PHF20L1: variants seen among roughly 807,000 people sequenced by gnomAD.
The protein encoded by PHF20L1 is PHD finger protein 20 like 1.
Under a neutral mutation model 125.5 loss-of-function variants are expected in PHF20L1, and 44 were observed. The observed-to-expected ratio is 0.35, with a 90% CI of 0.28 to 0.45. PHF20L1 has a LOEUF of 0.45. Among genes scored for constraint, PHF20L1 ranks in the 20% least tolerant of loss-of-function variants. The pLI is 1.00. For synonymous variants in PHF20L1, 380 were observed against 403.1 expected (o/e 0.94, Z 0.69); for missense variants, 1,012 against 1,217.2 (o/e 0.83, Z 2.51).
At chr8:132,809,761 T>A (rs1051416626) in intron 8 of PHF20L1, 2 of 152,188 alleles carry the variant, frequency 1.3e-5, no homozygotes, top group African/African-American at 4.8e-5. Context: ...GGTGACCTTT[T>A]ATGAGCAGGG....
At position 132,847,892 on chromosome 8, in the gene PHF20L1, A is replaced by G. The variant is rs1431280660; in HGVS notation, c.*1969A>G. Reference sequence around the variant, plus strand: ...GTGGAGTAAATTTGCTAATGTCTATATTTTATGATTGATACTATTATTTTT... The same window carrying G: ...GTGGAGTAAATTTGCTAATGTCTATGTTTTATGATTGATACTATTATTTTT... On this transcript the variant is annotated 3_prime_UTR_variant, in exon 21 of 21. Transcript: ENST00000395386. 6.6e-6 allele frequency: 1 copy of G among 152,250 alleles called. No homozygotes were observed. Among genetic ancestry groups the G allele is most frequent in the Non-Finnish European group, 1.5e-5 (1 of 67,980 alleles). The allele number at this position is 152,250 out of a possible 1,614,324, so 9.4% of individuals were successfully genotyped here. A position where few individuals can be genotyped will look rare whatever the true frequency, so the allele number is the denominator to read the frequency against.
intron 4 of PHF20L1, among the ~76,000 whole-genome samples, chr8:132,798,497 C>T (rs543877957): frequency 3.9e-5 from 6 of 151,976 alleles, no homozygotes; most frequent in East Asian, 1.9e-4. Context: ...ATTTAAATTA[C>T]TGCAAAATAA....
chr8:132,796,811 A>G (rs1832443160), intron 4 of PHF20L1, among the ~76,000 whole-genome samples: 1 of 152,122 alleles, frequency 6.6e-6, no homozygotes. Context: ...AATTTGTGGA[A>G]GTAAAGGAAG....
At chr8:132,812,876 G>A (rs1834553625) in intron 9 of PHF20L1, 1 of 980,482 alleles carries the variant, frequency 1.0e-6, no homozygotes, top group Non-Finnish European at 1.2e-6. Context: ...CTGTGCTAAT[G>A]GACTTATTTA....
intron 12 of PHF20L1, chr8:132,818,123 GTA>G (rs1034597285): frequency 1.3e-5 from 2 of 151,888 alleles, no homozygotes; most frequent in African/African-American, 4.8e-5. Context: ...ATTTGGATGT[GTA>G]TTTTACCAAG....
chr8:132,810,965 C>G (rs1834327879), intron 8 of PHF20L1, 81 bp from the exon 9 acceptor site: 1 of 834,004 alleles, frequency 1.2e-6, no homozygotes, highest in Admixed American at 1.8e-5. Context: ...GAAATTTCAA[C>G]TGCTAAGATT....
At chr8:132,795,372 A>G (rs1832266087) in intron 4 of PHF20L1, among the ~76,000 whole-genome samples, 1 of 152,170 alleles carries the variant, frequency 6.6e-6, no homozygotes, top group South Asian at 2.1e-4. Context: ...ATACTGAGCC[A>G]AAGTTGCTTA....
chr8:132,845,801 T>C lies in PHF20L1; in HGVS notation c.2932T>C (p.Phe978Leu), dbSNP rs1051603838. 6 of 1,610,358 alleles carry C rather than the reference T, an allele frequency of 3.7e-6. No homozygotes were observed. The highest frequency in any genetic ancestry group is 5.1e-6 in the Non-Finnish European group (6 of 1,176,884). Residue 978 changes from phenylalanine (F) to leucine (L), a missense_variant, in exon 21 of 21, where the codon TTC (phenylalanine) becomes CTC (leucine). Coordinates refer to ENST00000395386, the MANE Select transcript of PHF20L1 (RefSeq NM_016018.5). ...EVDVLESWLDFTGELEPPDPL... is the reference protein window; with the variant it reads ...EVDVLESWLDLTGELEPPDPL... ...TTTAGTTCTGGAAAGCTGGCTTGAT[T>C]TCACAGGGGAGTTGGAGCCACCAGA... is the stretch of plus-strand genomic sequence containing the variant.
intron 8 of PHF20L1, chr8:132,807,932 A>C (rs1251632419): frequency 3.6e-6 from 1 of 277,604 alleles, no homozygotes; most frequent in African/African-American, 2.3e-5. Context: ...TAGGTAATTA[A>C]TAGGTACTTG....
At chr8:132,787,265 G>GC (rs1019049278) in intron 2 of PHF20L1, among the ~76,000 whole-genome samples, 1 of 151,918 alleles carries the variant, frequency 6.6e-6, no homozygotes, top group Admixed American at 6.6e-5. Flanking sequence ...GGTGCTGGGG[G>GC]GGTGGGAGGA....
chr8:132,820,867 G>A (rs1284062965), intron 12 of PHF20L1, among the ~76,000 whole-genome samples: 5 of 151,972 alleles, frequency 3.3e-5, no homozygotes, highest in Non-Finnish European at 7.4e-5. Context: ...ATTGGCATTA[G>A]TAGGTTGTAT....
intron 18 of PHF20L1, 143 bp downstream of exon 18, chr8:132,839,725 G>T: frequency 1.6e-6 from 1 of 620,094 alleles, no homozygotes; most frequent in South Asian, 2.2e-5. Flanking sequence ...TAAAAATAAG[G>T]AAAGATTAAC....
At chr8:132,802,917 C>T (rs1833249976) in intron 6 of PHF20L1, among the ~76,000 whole-genome samples, 1 of 151,728 alleles carries the variant, frequency 6.6e-6, no homozygotes. Flanking sequence ...GTCTATTTGA[C>T]AGAGCTTAGT....
intron 13 of PHF20L1, 109 bp downstream of exon 13, chr8:132,824,169 G>A: frequency 1.5e-6 from 1 of 657,242 alleles, no homozygotes. Flanking sequence ...AGGTGTAAGT[G>A]ATCATCTGTT....
In PHF20L1 at chr8:132,845,891, G is replaced by A; in HGVS notation, c.3022G>A (p.Val1008Ile). 1 of 1,612,420 alleles carries A rather than the reference G, an allele frequency of 6.2e-7. No homozygotes were observed. The highest frequency in any genetic ancestry group is 8.5e-7 in the Non-Finnish European group (1 of 1,178,814). The change falls in exon 21 of 21, where the codon GTA becomes ATA. Residue 1008 changes from valine to isoleucine, a missense_variant. Physicochemically the swap from Val to Ile is conservative, Grantham distance 29. Transcript: ENST00000395386. ...IKQLLIDMGK[V>I]QQIATLCSV ...ACAGCTCCTAATTGACATGGGCAAA[G>A]TACAGCAGATAGCAACTCTTTGCTC... is the stretch of plus-strand genomic sequence containing the variant.
At chr8:132,843,019 G>C (rs957278173) in intron 19 of PHF20L1, 144 bp downstream of exon 19, 3 of 1,392,240 alleles carry the variant, frequency 2.2e-6, no homozygotes, top group Non-Finnish European at 2.8e-6. Context: ...AGATTTTTTT[G>C]TTTTCTCTAC....
At position 132,816,992 on chromosome 8, in the gene PHF20L1, A is replaced by G. The variant is rs1180252547; in HGVS notation, c.1288A>G (p.Lys430Glu). 9.3e-6 allele frequency: 15 copies of G among 1,610,180 alleles called. No homozygotes were observed. Among genetic ancestry groups the G allele is most frequent in the Non-Finnish European group, 1.3e-5 (15 of 1,178,058 alleles). The change falls in exon 11 of 21, where the codon AAG (lysine) becomes GAG (glutamate). Residue 430 changes from lysine to glutamate, a missense_variant. By Grantham distance (56) the Lys-to-Glu change is moderately conservative (BLOSUM62 1). This residue lies in a region of PHF20L1 where 119 missense variants were observed against 160.2 expected (regional missense o/e 0.74). Transcript: ENST00000395386. ...ACCCATGCCTGATGATTCTGTAGAA[A>G]AGGTTTCTTCTCCCTCTCCAGCCAC... ...TLPMPDDSVEKVSSPSPATDG... is the reference protein window; with the variant it reads ...TLPMPDDSVEEVSSPSPATDG...
At chr8:132,778,860 G>T (rs1386527242) in intron 2 of PHF20L1, among the ~76,000 whole-genome samples, 1 of 152,138 alleles carries the variant, frequency 6.6e-6, no homozygotes, top group African/African-American at 2.4e-5. Context: ...TTATTTTGAT[G>T]CGAGTTCTTG....
At chr8:132,844,871 C>A (rs1385049085) in intron 20 of PHF20L1, among the ~76,000 whole-genome samples, 1 of 152,026 alleles carries the variant, frequency 6.6e-6, no homozygotes, top group Non-Finnish European at 1.5e-5. Flanking sequence ...CTACCTGATT[C>A]TCAGTCCATG....
Sources: gnomAD v4.1 joint callset for allele counts (sites outside exome capture counted in the v4.1 genomes callset) on GRCh38, gnomAD v4.1.1 for gene constraint, gnomAD v4.1.1 regional missense constraint, MANE v1.5 for transcripts, NCBI Gene and HGNC (gene_info 2026-07-23, HGNC 2026-07-21) for gene names.